Variants in GALNTL6 observed in about 807,000 individuals in gnomAD.
The protein encoded by GALNTL6 is polypeptide N-acetylgalactosaminyltransferase like 6.
GALNTL6 carries 46 observed loss-of-function variants against 73.7 expected under a neutral mutation model. The observed-to-expected ratio is 0.62, with a 90% CI of 0.49 to 0.80. GALNTL6 has a LOEUF of 0.80. Ranked by LOEUF, GALNTL6 falls within the 30% of genes least tolerant of loss-of-function variation. The pLI is 0.00. For synonymous variants in GALNTL6, 259 were observed against 263.7 expected (o/e 0.98, Z 0.17); for missense variants, 604 against 755.0 (o/e 0.80, Z 2.34).
intron 5 of GALNTL6, among the ~76,000 whole-genome samples, chr4:172,359,368 G>A (rs1024803776): frequency 2.0e-5 from 3 of 152,114 alleles, no homozygotes; most frequent in Non-Finnish European, 2.9e-5. Context: ...TGAAGGGTGG[G>A]AGGAGGGACA....
chr4:171,922,981 G>A (rs542467561), intron 2 of GALNTL6, among the ~76,000 whole-genome samples: 8 of 151,850 alleles, frequency 5.3e-5, no homozygotes, highest in Non-Finnish European at 1.5e-5. Context: ...TTACTTCATT[G>A]CTAAAATTAC....
intron 10 of GALNTL6, among the ~76,000 whole-genome samples, chr4:172,965,180 G>C (rs1343736483): frequency 6.6e-6 from 1 of 152,124 alleles, no homozygotes; most frequent in Non-Finnish European, 1.5e-5. Context: ...AACGAGGTTG[G>C]GAAAAATGTA....
At chr4:172,105,448 G>C (rs1732649296) in intron 2 of GALNTL6, among the ~76,000 whole-genome samples, 1 of 151,354 alleles carries the variant, frequency 6.6e-6, no homozygotes, top group Non-Finnish European at 1.5e-5. Context: ...ATAACATAAA[G>C]TTTTTTTTTA....
At chr4:171,979,670 G>C (rs1341732976) in intron 2 of GALNTL6, among the ~76,000 whole-genome samples, 4 of 152,188 alleles carry the variant, frequency 2.6e-5, no homozygotes, top group African/African-American at 9.7e-5. Context: ...TGGAGTGGGA[G>C]ACTATAGCTA....
intron 2 of GALNTL6, among the ~76,000 whole-genome samples, chr4:172,134,531 G>A (rs1191284717): frequency 6.6e-6 from 1 of 152,272 alleles, no homozygotes. Context: ...CAACTGGGTA[G>A]AAGAGGGTAT....
chr4:172,854,841 G>C (rs998443230), intron 7 of GALNTL6, among the ~76,000 whole-genome samples: 43 of 152,228 alleles, frequency 2.8e-4, no homozygotes, highest in African/African-American at 1.0e-3. Flanking sequence ...CTTTAAAAAT[G>C]GGAAGTACTT....
chr4:172,726,947 A>C (rs183713710), intron 5 of GALNTL6, among the ~76,000 whole-genome samples: 22 of 152,318 alleles, frequency 1.4e-4, no homozygotes, highest in African/African-American at 5.1e-4. Flanking sequence ...CTCTGTGAAA[A>C]TAGATTAACT....
intron 7 of GALNTL6, among the ~76,000 whole-genome samples, chr4:172,858,625 T>C (rs1218937709): frequency 1.3e-5 from 2 of 151,562 alleles, no homozygotes; most frequent in East Asian, 3.9e-4. Flanking sequence ...AGGTCAAGAG[T>C]TCAAGACCAG....
intron 5 of GALNTL6, among the ~76,000 whole-genome samples, chr4:172,448,426 C>G (rs1365560111): frequency 6.6e-6 from 1 of 152,164 alleles, no homozygotes; most frequent in Non-Finnish European, 1.5e-5. Flanking sequence ...AGATAGCACT[C>G]TGGCCTTCAA....
chr4:171,994,827 A>T (rs892633618), intron 2 of GALNTL6, among the ~76,000 whole-genome samples: 1 of 152,108 alleles, frequency 6.6e-6, no homozygotes, highest in Non-Finnish European at 1.5e-5. Flanking sequence ...AAGCAAAAAA[A>T]CTAGAATTGG....
rs185957259 is a variant in GALNTL6, at chr4:172,080,221, C to G, written c.139-149435C>G. On this transcript the variant is annotated intron_variant, in intron 2 of 12. Transcript: ENST00000506823. ...TTAGAGACAAGCTCTCGCTTTGTTG[C>G]TCTTGCTTGAGTGTAGTGGCAAGAT... 2.4e-3 allele frequency among the ~76,000 whole-genome samples: 363 copies of G among 152,232 alleles called. 1 individual carries two copies. The highest frequency in any genetic ancestry group is 8.4e-3 in the African/African-American group (351 of 41,544).
Position 172,882,896 on chromosome 4 carries a change from A to G in GALNTL6, c.1030A>G (p.Ile344Val). The change falls in exon 8 of 13, where the codon ATC becomes GTC. Residue 344 changes from isoleucine (I) to valine (V), a missense_variant. This residue lies in a region of GALNTL6 where 14 missense variants were observed against 40.8 expected (regional missense o/e 0.34). Transcript: ENST00000506823. ...AATCTGGGGAGGAGAACAGTATGAA[A>G]TCTCTTTTAAGGTAAGCCCCAAGAC... ...LEIWGGEQYE[I>V]SFKVWMCGGE... 1.3e-6 allele frequency: 2 copies of G among 1,577,294 alleles called. No individual in the cohort carries two copies. The highest frequency in any genetic ancestry group is 1.7e-6 in the Non-Finnish European group (2 of 1,147,120).
At chr4:172,691,618 A>G (rs907551475) in intron 5 of GALNTL6, among the ~76,000 whole-genome samples, 3 of 152,184 alleles carry the variant, frequency 2.0e-5, no homozygotes, top group Non-Finnish European at 2.9e-5. Context: ...GCCCACAGAG[A>G]TGGTCAGGCA....
intron 8 of GALNTL6, among the ~76,000 whole-genome samples, chr4:172,900,084 A>G (rs752522251): frequency 6.6e-6 from 1 of 152,164 alleles, no homozygotes; most frequent in Non-Finnish European, 1.5e-5. Context: ...AGTAGGTCTC[A>G]GCCTTATTTA....
At chr4:173,024,281 G>A (rs1753139631) in intron 12 of GALNTL6, among the ~76,000 whole-genome samples, 1 of 152,160 alleles carries the variant, frequency 6.6e-6, no homozygotes, top group South Asian at 2.1e-4. Context: ...GCTTTTTGTA[G>A]CTGTTGGTAT....
intron 5 of GALNTL6, among the ~76,000 whole-genome samples, chr4:172,419,873 TTTTG>T (rs1173654154): frequency 6.6e-6 from 1 of 152,204 alleles, no homozygotes; most frequent in East Asian, 1.9e-4. Context: ...TGCCTCTGGC[TTTTG>T]TTTATCTGTT....
At chr4:172,364,054 T>C (rs1742469699) in intron 5 of GALNTL6, among the ~76,000 whole-genome samples, 4 of 152,268 alleles carry the variant, frequency 2.6e-5, no homozygotes, top group African/African-American at 9.6e-5. Context: ...TAAGGTGTGG[T>C]ATTAATTATT....
At position 172,069,621 on chromosome 4, in the gene GALNTL6, T is replaced by TATGTGTTATATATATAAC. The variant is rs1401520248; in HGVS notation, c.139-160033_139-160032insGTGTTATATATATAACAT. Among the ~76,000 whole-genome samples the TATGTGTTATATATATAAC allele has an allele frequency of 1.4e-3, 130 of 90,580 alleles. 38 individuals carry two copies. The highest frequency in any genetic ancestry group is 2.7e-3 in the Non-Finnish European group (113 of 41,604). The allele number at this position is 90,580 out of a possible 152,430, so 59.4% of individuals were successfully genotyped here. A position where few individuals can be genotyped will look rare whatever the true frequency, so the allele number is the denominator to read the frequency against. ...ACATATATGTTATATATATATAACATATATATATATCCTAAATTTCCTCAT... is the reference window on the plus strand; with the variant it reads ...ACATATATGTTATATATATATAACATATGTGTTATATATATAACATATATATATCCTAAATTTCCTCAT... On this transcript the variant is annotated intron_variant, in intron 2 of 12. Transcript: ENST00000506823.
At chr4:172,986,516 G>T (rs1428847018) in intron 10 of GALNTL6, among the ~76,000 whole-genome samples, 2 of 152,162 alleles carry the variant, frequency 1.3e-5, no homozygotes, top group African/African-American at 4.8e-5. Flanking sequence ...AGAGATTTGG[G>T]TCAGGTTGTT....
Sources: allele counts gnomAD v4.1 joint callset (sites outside exome capture counted in the v4.1 genomes callset), GRCh38; gene constraint gnomAD v4.1.1; regional missense constraint gnomAD v4.1.1; transcripts MANE v1.5; gene names NCBI Gene and HGNC (gene_info 2026-07-23, HGNC 2026-07-21).